Variants in TAF4 observed in about 807,000 individuals in gnomAD.
TAF4 encodes TATA-box binding protein associated factor 4.
TAF4 carries 9 observed loss-of-function variants against 90.3 expected under a neutral mutation model. That is an observed-to-expected ratio of 0.10 (90% confidence interval 0.06 to 0.17). The LOEUF is 0.17. TAF4 is among the 10% of genes least tolerant of loss of function. The pLI, the probability that TAF4 is intolerant of heterozygous loss-of-function variation, is 1.00. For missense variants in TAF4, 1,351 were observed against 1,370.7 expected (o/e 0.99, Z 0.23); for synonymous variants, 818 against 638.9 (o/e 1.28, Z -4.23).
chr20:62,065,777 A>G lies in TAF4; in HGVS notation c.34T>C (p.Phe12Leu). 1 of 1,339,182 alleles carries G rather than the reference A, an allele frequency of 7.5e-7. No individual in the cohort carries two copies. Among genetic ancestry groups the G allele is most frequent in the Non-Finnish European group, 9.7e-7 (1 of 1,026,752 alleles). The allele number at this position is 1,339,182 out of a possible 1,614,324, so 83.0% of individuals were successfully genotyped here. A position where few individuals can be genotyped will look rare whatever the true frequency, so the allele number is the denominator to read the frequency against. Residue 12 changes from phenylalanine (F) to leucine (L), a missense_variant, in exon 1 of 15, where the codon TTC (phenylalanine) becomes CTC (leucine). Phe to Leu is a conservative substitution (Grantham distance 22). Coordinates refer to ENST00000252996, the MANE Select transcript of TAF4 (RefSeq NM_003185.4). ...TTCTCGTCCACCTCGCTGTTGAAGAAGACCTCGTCCAGCAGATCCGAGCCC... is the reference window on the plus strand; with the variant it reads ...TTCTCGTCCACCTCGCTGTTGAAGAGGACCTCGTCCAGCAGATCCGAGCCC... ...AAGSDLLDEV[F>L]FNSEVDEKVV... is the part of the protein sequence containing the mutation.
In TAF4 at chr20:62,034,613, A is replaced by G. The variant is rs376528746; in HGVS notation, c.1361-19906T>C. Among the ~76,000 whole-genome samples the G allele has an allele frequency of 9.9e-5, 15 of 152,256 alleles. No individual in the cohort carries two copies. The East Asian group carries it at 1.9e-3, about 20-fold the overall frequency. On this transcript the variant is annotated intron_variant, in intron 1 of 14. Coordinates refer to ENST00000252996, the MANE Select transcript of TAF4 (RefSeq NM_003185.4). ...CCAAAGTGCTGAGATGACAGGCATG[A>G]GCCATCATTCCCAGCCAGAAAATGT...
chr20:61,988,521 T>C (rs1055886656), intron 14 of TAF4, among the ~76,000 whole-genome samples: 1 of 152,142 alleles, frequency 6.6e-6, no homozygotes, highest in Non-Finnish European at 1.5e-5. Context: ...CCTGTAAGTA[T>C]AGAATTCAAA....
intron 14 of TAF4, among the ~76,000 whole-genome samples, chr20:61,990,217 C>T (rs2055622732): frequency 6.6e-6 from 1 of 152,186 alleles, no homozygotes; most frequent in Non-Finnish European, 1.5e-5. Context: ...TACAGGAGTG[C>T]ACGCAAACAC....
intron 4 of TAF4, 132 bp from the exon 5 acceptor site, chr20:62,009,306 C>T (rs2055764971): frequency 1.0e-6 from 1 of 972,942 alleles, no homozygotes; most frequent in African/African-American, 1.7e-5. Context: ...CAAGAAAACG[C>T]ACCACCTCTT....
At chr20:62,046,925 A>G (rs2055996668) in intron 1 of TAF4, among the ~76,000 whole-genome samples, 1 of 152,128 alleles carries the variant, frequency 6.6e-6, no homozygotes, top group Non-Finnish European at 1.5e-5. Flanking sequence ...TCGTCTTGTT[A>G]TTTAGTCGTG....
chr20:61,998,981 G>A lies in TAF4; in HGVS notation c.2913+2C>T, dbSNP rs765576585. Reference sequence around the variant, plus strand: ...CGGCAGCAGCAGACACCCAGCACTCGCCTTTGCTGCCCTCATCAGGATCTC... The same window carrying A: ...CGGCAGCAGCAGACACCCAGCACTCACCTTTGCTGCCCTCATCAGGATCTC... On this transcript the variant is annotated splice_donor_variant, in intron 12 of 14. Transcript: ENST00000252996. LOFTEE classifies it low-confidence loss of function (GC_TO_GT_DONOR). 4.0e-5 allele frequency: 64 copies of A among 1,612,896 alleles called. 1 individual carries two copies. Among genetic ancestry groups the A allele is most frequent in the South Asian group, 8.8e-5 (8 of 91,062 alleles).
At chr20:62,055,627 C>G (rs6142706) in intron 1 of TAF4, among the ~76,000 whole-genome samples, 21,456 of 152,138 alleles carry the variant, frequency 0.14, 1,893 homozygotes, top group East Asian at 0.44. Context: ...GAGGGCAGCC[C>G]TACAATCTAC....
chr20:62,038,869 A>C (rs866940853), intron 1 of TAF4, among the ~76,000 whole-genome samples: 10 of 152,146 alleles, frequency 6.6e-5, no homozygotes, highest in Admixed American at 6.5e-5. Context: ...CCTGGCCAAC[A>C]CGGCAAAACC....
chr20:62,004,878 G>C (rs975470401), intron 7 of TAF4: 1 of 152,320 alleles, frequency 6.6e-6, no homozygotes, highest in African/African-American at 2.4e-5. Flanking sequence ...CATGGCCTAT[G>C]CTCTGGCCCT....
Position 62,064,904 on chromosome 20 carries a change from C to G in TAF4, c.907G>C (p.Ala303Pro). 1.4e-6 allele frequency: 1 copy of G among 722,712 alleles called. No homozygotes were observed. Among genetic ancestry groups the G allele is most frequent in the Non-Finnish European group, 1.7e-6 (1 of 602,146 alleles). 44.8% of individuals were successfully genotyped at this position (722,712 alleles called of 1,614,324 possible). ...GCCCCGGCGCTGCCCCCGTTCTGGG[C>G]GGCGGCGGGGGGCGGCACGGCGGGC... is the stretch of plus-strand genomic sequence containing the variant. ...AAPAVPPPAA[A>P]QNGGSAGAAP... Residue 303 changes from alanine to proline, a missense_variant, in exon 1 of 15, where the codon GCC becomes CCC. Ala to Pro is a conservative substitution (Grantham distance 27). This residue lies in a region of TAF4 where 782 missense variants were observed against 536.6 expected (regional missense o/e 1.46). Transcript: ENST00000252996.
At chr20:62,044,275 A>G (rs992211831) in intron 1 of TAF4, among the ~76,000 whole-genome samples, 11 of 152,272 alleles carry the variant, frequency 7.2e-5, no homozygotes, top group African/African-American at 2.7e-4. Flanking sequence ...GATGATCTCC[A>G]GATTATATTA....
chr20:61,980,347 C>T (rs1009616562), intron 14 of TAF4: 1 of 152,246 alleles, frequency 6.6e-6, no homozygotes, highest in Non-Finnish European at 1.5e-5. Context: ...GGGAGGAGCG[C>T]GTCTGCTCCC....
At chr20:62,019,057 A>G (rs1225888648) in intron 1 of TAF4, among the ~76,000 whole-genome samples, 1 of 152,108 alleles carries the variant, frequency 6.6e-6, no homozygotes, top group Non-Finnish European at 1.5e-5. Context: ...ACACCAGCCA[A>G]TGTGCACATA....
At chr20:61,991,119 T>C (rs977112053) in intron 14 of TAF4, among the ~76,000 whole-genome samples, 4 of 151,926 alleles carry the variant, frequency 2.6e-5, no homozygotes, top group Admixed American at 2.0e-4. Context: ...GATAATTTTT[T>C]AAAAAAGAGA....
chr20:62,038,821 G>C (rs2055948093), intron 1 of TAF4, among the ~76,000 whole-genome samples: 1 of 152,200 alleles, frequency 6.6e-6, no homozygotes, highest in Admixed American at 6.5e-5. Flanking sequence ...GAGAGGCTGA[G>C]GCAGGCGGAT....
Position 61,998,207 on chromosome 20 carries a change from G to A in TAF4, c.2914-15C>T, listed in dbSNP as rs1366000128. ...CTTGACCGAGACTATTTTTGAAAGA[G>A]GCAGAAAAGAAAAGTAAGTTATGAA... On this transcript the variant is annotated splice_polypyrimidine_tract_variant and intron_variant, in intron 12 of 14. Transcript: ENST00000252996. 1.2e-6 allele frequency: 2 copies of A among 1,610,996 alleles called. No homozygotes were observed. Among genetic ancestry groups the A allele is most frequent in the East Asian group, 4.5e-5 (2 of 44,840 alleles).
rs183964966 is a variant in TAF4 at position 61,990,372 on chromosome 20, C to G, written c.3090+7178G>C. On this transcript the variant is annotated intron_variant, in intron 14 of 14. Transcript: ENST00000252996. ...AAGTAATTTTCAAAGTTAATGTATT[C>G]TGGAAGACGATGACAGGGGTAGCAT... Among the ~76,000 whole-genome samples the G allele has an allele frequency of 9.8e-5, 15 of 152,316 alleles. No homozygotes were observed. In the East Asian group the frequency reaches 2.5e-3, roughly 25 times the overall value.
At chr20:62,007,865 G>A in intron 5 of TAF4, 1 of 449,480 alleles carries the variant, frequency 2.2e-6, no homozygotes, top group East Asian at 4.4e-5. Flanking sequence ...CTCCTGGGAG[G>A]GTCACCTGTC....
chr20:62,027,658 G>A (rs2055882156), intron 1 of TAF4, among the ~76,000 whole-genome samples: 1 of 152,102 alleles, frequency 6.6e-6, no homozygotes, highest in Non-Finnish European at 1.5e-5. Flanking sequence ...TTTCAGAACA[G>A]GATAAAATAA....
Sources: allele counts gnomAD v4.1 joint callset (sites outside exome capture counted in the v4.1 genomes callset), GRCh38; gene constraint gnomAD v4.1.1; regional missense constraint gnomAD v4.1.1; transcripts MANE v1.5; gene names NCBI Gene and HGNC (gene_info 2026-07-23, HGNC 2026-07-21).